USP28: variants seen among roughly 807,000 people sequenced by gnomAD.
The protein encoded by USP28 is ubiquitin carboxyl-terminal hydrolase 28.
USP28 carries 113 observed loss-of-function variants against 145.0 expected under a neutral mutation model. The observed-to-expected ratio is 0.78, with a 90% CI of 0.67 to 0.91. The LOEUF is 0.91. Among genes scored for constraint, USP28 ranks in the 40% least tolerant of loss-of-function variants. USP28 has a pLI of 0.00. For missense variants in USP28, 1,201 were observed against 1,289.6 expected (o/e 0.93, Z 1.05); for synonymous variants, 447 against 450.9 (o/e 0.99, Z 0.11).
chr11:113,874,993 T>A, intron 1 of USP28: 1 of 870,798 alleles, frequency 1.1e-6, no homozygotes, highest in Non-Finnish European at 1.4e-6. Flanking sequence ...AAGACGGTGA[T>A]TAATTCCGGA....
intron 13 of USP28, 90 bp downstream of exon 13, chr11:113,817,568 G>A: frequency 7.0e-7 from 1 of 1,430,828 alleles, no homozygotes; most frequent in Non-Finnish European, 9.5e-7. Context: ...GCTCTTATAG[G>A]TGACTGTCAA....
In USP28 at chr11:113,803,839, A is replaced by G. The variant is rs112880949; in HGVS notation, c.2697T>C (p.Ser899=). 1.5e-3 allele frequency: 2,359 copies of G among 1,614,040 alleles called. 39 individuals are homozygous for G. The African/African-American group carries it at 0.029, about 20-fold the overall frequency. The change falls in exon 22 of 25, where the codon TCT becomes TCC. Residue 899 remains serine (S), a synonymous_variant. Transcript: ENST00000003302. ...GTTCTAGGCCTGTTAGGAGATACAC[A>G]GACACTTTTCGGAACAAACTATAAT...
chr11:113,835,337 T>C (rs1287487943), intron 5 of USP28: 7 of 455,902 alleles, frequency 1.5e-5, no homozygotes, highest in Non-Finnish European at 8.8e-6. Flanking sequence ...CCTAGGTAGA[T>C]AATAGGCAAA....
chr11:113,835,224 T>G (rs1281172203), intron 5 of USP28: 2 of 447,074 alleles, frequency 4.5e-6, no homozygotes, highest in Non-Finnish European at 8.9e-6. Context: ...AAGTTAATTT[T>G]CTTTAAAAAT....
chr11:113,832,228 G>C (rs894184884), intron 7 of USP28, among the ~76,000 whole-genome samples: 1 of 152,044 alleles, frequency 6.6e-6, no homozygotes, highest in African/African-American at 2.4e-5. Flanking sequence ...TCCTGCCTCA[G>C]CCTCCCAAGT....
At chr11:113,808,792 A>G (rs1328190352) in intron 17 of USP28, among the ~76,000 whole-genome samples, 1 of 152,354 alleles carries the variant, frequency 6.6e-6, no homozygotes, top group South Asian at 2.1e-4. Context: ...TAACCCTATC[A>G]TAGTTTCTCC....
At chr11:113,868,546 T>C (rs938821858) in intron 1 of USP28, among the ~76,000 whole-genome samples, 2 of 152,182 alleles carry the variant, frequency 1.3e-5, no homozygotes, top group African/African-American at 4.8e-5. Flanking sequence ...CTGCTACTTA[T>C]AATTCAATCA....
intron 13 of USP28, among the ~76,000 whole-genome samples, chr11:113,816,611 C>G (rs1378477161): frequency 2.0e-5 from 3 of 152,092 alleles, no homozygotes; most frequent in Non-Finnish European, 2.9e-5. Context: ...CCCTAAGGTC[C>G]ATACTTATGG....
chr11:113,820,087 T>C (rs1942376816), intron 12 of USP28, among the ~76,000 whole-genome samples: 1 of 152,196 alleles, frequency 6.6e-6, no homozygotes, highest in South Asian at 2.1e-4. Context: ...AGGTCTTATT[T>C]TTCACCAAAA....
In USP28 at chr11:113,807,148, C is replaced by T. The variant is rs567870189; in HGVS notation, c.2305-564G>A. Among the ~76,000 whole-genome samples the T allele has an allele frequency of 5.2e-4, 79 of 152,120 alleles. 1 individual carries two copies. The South Asian group carries it at 0.016, about 32-fold the overall frequency. The stretch of plus-strand genomic sequence containing the variant: ...AGTGCAATGGCGTGATCTCAGCTCA[C>T]TGCAACCTCCGCCTCCCGGGTTCAA... On this transcript the variant is annotated intron_variant, in intron 18 of 24. Transcript: ENST00000003302.
intron 15 of USP28, 134 bp downstream of exon 15, chr11:113,813,751 T>G: frequency 2.7e-6 from 2 of 731,450 alleles, no homozygotes; most frequent in Admixed American, 5.7e-5. Context: ...CAGAACAACA[T>G]CAATTTATAT....
intron 3 of USP28, among the ~76,000 whole-genome samples, chr11:113,844,574 TG>T (rs981639791): frequency 5.3e-5 from 8 of 152,066 alleles, no homozygotes; most frequent in Admixed American, 4.6e-4. Flanking sequence ...ACACAAATAG[TG>T]ATTTCAAAAA....
At chr11:113,874,708 G>C in intron 1 of USP28, 1 of 1,204,286 alleles carries the variant, frequency 8.3e-7, no homozygotes, top group Non-Finnish European at 1.1e-6. Flanking sequence ...CTCTTCCCAA[G>C]TTTCTTCATA....
chr11:113,865,418 G>A (rs1948155503), intron 1 of USP28, among the ~76,000 whole-genome samples: 1 of 152,140 alleles, frequency 6.6e-6, no homozygotes. Flanking sequence ...AAAGTTGGAG[G>A]ACTCACACTT....
chr11:113,826,342 T>G (rs1325190173), intron 11 of USP28, among the ~76,000 whole-genome samples: 2 of 87,982 alleles, frequency 2.3e-5, no homozygotes, highest in Non-Finnish European at 5.3e-5. Flanking sequence ...CACCCATTTT[T>G]TTTTTTTTTT....
Position 113,822,949 on chromosome 11 carries a change from A to T in USP28, c.1283+656T>A, listed in dbSNP as rs184083608. Among the ~76,000 whole-genome samples, 694 of 152,292 alleles carry T rather than the reference A, an allele frequency of 4.6e-3. 3 individuals are homozygous for T. Among genetic ancestry groups the T allele is most frequent in the Non-Finnish European group, 7.7e-3 (527 of 68,026 alleles). On this transcript the variant is annotated intron_variant, in intron 12 of 24. Coordinates refer to ENST00000003302, the Ensembl canonical transcript of USP28. ...GTAGGTGGAGGTGTGGTGGTCTTAG[A>T]AAGAAAACTGTTAAGTGGATAAAGG...
chr11:113,816,548 C>T (rs897223897), intron 13 of USP28, among the ~76,000 whole-genome samples: 1 of 151,894 alleles, frequency 6.6e-6, no homozygotes, highest in Non-Finnish European at 1.5e-5. Flanking sequence ...AAAAACCTCA[C>T]TCCCTCCTCC....
intron 2 of USP28, among the ~76,000 whole-genome samples, 176 bp downstream of exon 2, chr11:113,854,082 T>C (rs1283088742): frequency 6.6e-6 from 1 of 151,996 alleles, no homozygotes; most frequent in Non-Finnish European, 1.5e-5. Context: ...GAACCACAAA[T>C]CTCCCCCAGC....
chr11:113,852,467 A>G (rs775682968), intron 3 of USP28, 34 bp downstream of exon 3: 26 of 1,610,270 alleles, frequency 1.6e-5, no homozygotes, highest in Non-Finnish European at 2.1e-5. Context: ...CTGCTAGTTC[A>G]GCAAAGGACC....
Sources: gnomAD v4.1 joint callset for allele counts (sites outside exome capture counted in the v4.1 genomes callset) on GRCh38, gnomAD v4.1.1 for gene constraint, MANE v1.5 for transcripts, NCBI Gene and HGNC (gene_info 2026-07-23, HGNC 2026-07-21) for gene names.